The following MAGI1 variants were observed in gnomAD, a reference collection of about 807,000 sequenced individuals.
The protein encoded by MAGI1 is membrane associated guanylate kinase, WW and PDZ domain containing 1.
Under a neutral mutation model 139.9 loss-of-function variants are expected in MAGI1, and 58 were observed. That is an observed-to-expected ratio of 0.41 (90% CI 0.34 to 0.52). MAGI1 has a LOEUF of 0.52. Ranked by LOEUF, MAGI1 falls within the 20% of genes least tolerant of loss-of-function variation. MAGI1 has a pLI of 0.12. For missense variants in MAGI1, 1,874 were observed against 1,901.6 expected, an observed-to-expected ratio of 0.99 and a Z score of 0.27; for synonymous variants, 812 against 737.9, an observed-to-expected ratio of 1.10 and a Z score of -1.63.
intron 2 of MAGI1, among the ~76,000 whole-genome samples, chr3:65,549,906 C>T (rs60685290): frequency 0.38 from 57,853 of 151,802 alleles, 12,236 homozygotes; most frequent in East Asian, 0.65. Flanking sequence ...ATCATCATCA[C>T]CACTATTTTA....
At chr3:65,466,882 G>T (rs1299473929) in intron 5 of MAGI1, among the ~76,000 whole-genome samples, 2 of 152,244 alleles carry the variant, frequency 1.3e-5, no homozygotes, top group Non-Finnish European at 2.9e-5. Context: ...TACCCTTGGG[G>T]CGTAGGACCA....
At chr3:65,764,199 A>C (rs2037285896) in intron 1 of MAGI1, among the ~76,000 whole-genome samples, 2 of 152,162 alleles carry the variant, frequency 1.3e-5, no homozygotes, top group Non-Finnish European at 2.9e-5. Context: ...ACAGTAATAA[A>C]AATTTCTAGT....
rs1327986343 is a variant in MAGI1 at position 65,472,476 on chromosome 3, T to C, written c.758-1992A>G. Among the ~76,000 whole-genome samples, 4 of 152,268 alleles carry C rather than the reference T, an allele frequency of 2.6e-5. No homozygotes were observed. The East Asian group carries it at 7.7e-4, about 29-fold the overall frequency. The stretch of plus-strand genomic sequence containing the variant: ...ATTTTAAAGACAAAGACACTAAGAG[T>C]TCTCCCATGAACTAAAAGAAAAAAT... On this transcript the variant is annotated intron_variant, in intron 4 of 22. Coordinates refer to ENST00000402939, the MANE Select transcript of MAGI1 (RefSeq NM_001033057.2).
intron 5 of MAGI1, among the ~76,000 whole-genome samples, chr3:65,468,849 T>C (rs757509638): frequency 6.6e-6 from 1 of 151,682 alleles, no homozygotes; most frequent in African/African-American, 2.4e-5. Context: ...GGCAGGAGGA[T>C]CACTTAAGCC....
At chr3:65,531,035 T>TA in intron 2 of MAGI1, among the ~76,000 whole-genome samples, 1 of 151,788 alleles carries the variant, frequency 6.6e-6, no homozygotes, top group African/African-American at 2.4e-5. Flanking sequence ...TTAAATGACA[T>TA]AAGTCATGTG....
At chr3:65,420,274 G>A (rs1487194795) in intron 12 of MAGI1, among the ~76,000 whole-genome samples, 1 of 151,760 alleles carries the variant, frequency 6.6e-6, no homozygotes, top group African/African-American at 2.4e-5. Flanking sequence ...AGGCACACAG[G>A]TCTCTGTTCC....
intron 1 of MAGI1, among the ~76,000 whole-genome samples, chr3:65,871,477 T>A (rs138627262): frequency 1.3e-5 from 2 of 152,092 alleles, no homozygotes; most frequent in Non-Finnish European, 2.9e-5. Flanking sequence ...AATTTGGGAA[T>A]TGCTGAAGGG....
intron 1 of MAGI1, among the ~76,000 whole-genome samples, chr3:65,945,269 T>C (rs1376964590): frequency 2.6e-5 from 4 of 152,204 alleles, no homozygotes; most frequent in South Asian, 4.1e-4. Context: ...GTTTGTTATA[T>C]GGATAAACTC....
intron 1 of MAGI1, among the ~76,000 whole-genome samples, chr3:65,968,393 T>C (rs2064860907): frequency 6.6e-6 from 1 of 152,114 alleles, no homozygotes; most frequent in African/African-American, 2.4e-5. Flanking sequence ...GAGGACAGGC[T>C]TAATGAATTA....
rs761377571 is a variant in MAGI1, at chr3:65,364,749, A to G, written c.3291-24T>C. The G allele has an allele frequency of 1.1e-5, 17 of 1,612,504 alleles. No homozygotes were observed. The East Asian group carries it at 1.3e-4, about 13-fold the overall frequency. On this transcript the variant is annotated intron_variant, in intron 19 of 22. Transcript: ENST00000402939. ...TCCTGCCAAAGTGAAAGAAATAAATATAAGAGCAACCCATTAGCAAACTGA... is the reference window on the plus strand; with the variant it reads ...TCCTGCCAAAGTGAAAGAAATAAATGTAAGAGCAACCCATTAGCAAACTGA...
chr3:65,375,124 G>A (rs563327637), intron 18 of MAGI1, among the ~76,000 whole-genome samples: 43 of 151,812 alleles, frequency 2.8e-4, no homozygotes, highest in African/African-American at 1.0e-3. Context: ...CTATTTTATA[G>A]TGTTGAAGAC....
intron 2 of MAGI1, among the ~76,000 whole-genome samples, chr3:65,577,775 C>A (rs1256834371): frequency 6.6e-6 from 1 of 152,172 alleles, no homozygotes; most frequent in Non-Finnish European, 1.5e-5. Context: ...TCACACTTGG[C>A]TCATCAAGGT....
intron 12 of MAGI1, among the ~76,000 whole-genome samples, chr3:65,425,108 TAAAAAAAAAAA>T (rs72030632): frequency 0.11 from 7,337 of 66,674 alleles, 395 homozygotes; most frequent in Middle Eastern, 0.17. Context: ...GTAGAACTTC[TAAAAAAAAAAA>T]AAAAAAAAAA....
At chr3:65,376,296 G>T (rs1457244001) in intron 17 of MAGI1, among the ~76,000 whole-genome samples, 1 of 152,136 alleles carries the variant, frequency 6.6e-6, no homozygotes, top group Non-Finnish European at 1.5e-5. Flanking sequence ...GCTTATTTTG[G>T]GACTGCAAAT....
chr3:65,433,193 A>C (rs1407493828), intron 10 of MAGI1, among the ~76,000 whole-genome samples: 2 of 152,204 alleles, frequency 1.3e-5, no homozygotes, highest in African/African-American at 2.4e-5. Context: ...GAATGAACAA[A>C]TAAAAGCACA....
At chr3:65,860,454 G>A (rs946111379) in intron 1 of MAGI1, among the ~76,000 whole-genome samples, 1 of 152,174 alleles carries the variant, frequency 6.6e-6, no homozygotes, top group African/African-American at 2.4e-5. Flanking sequence ...ATAGAGACAC[G>A]GAGGCAGAGT....
At chr3:65,859,095 G>A (rs2059460615) in intron 1 of MAGI1, among the ~76,000 whole-genome samples, 1 of 152,150 alleles carries the variant, frequency 6.6e-6, no homozygotes, top group Non-Finnish European at 1.5e-5. Context: ...CACTGTGGGA[G>A]GCTGAGGTGT....
At chr3:65,846,395 A>C (rs1435145217) in intron 1 of MAGI1, among the ~76,000 whole-genome samples, 2 of 152,206 alleles carry the variant, frequency 1.3e-5, no homozygotes, top group African/African-American at 4.8e-5. Flanking sequence ...AGTTGAGACA[A>C]TGGATGCAGG....
intron 1 of MAGI1, among the ~76,000 whole-genome samples, chr3:66,035,105 A>G (rs2068844713): frequency 6.6e-6 from 1 of 152,226 alleles, no homozygotes; most frequent in Admixed American, 6.5e-5. Context: ...TTTTATGACA[A>G]AGTACTGTCT....
Sources: gnomAD v4.1 joint callset for allele counts (sites outside exome capture counted in the v4.1 genomes callset) on GRCh38, gnomAD v4.1.1 for gene constraint, MANE v1.5 for transcripts, NCBI Gene and HGNC (gene_info 2026-07-23, HGNC 2026-07-21) for gene names.